The following CDC40 variants were observed in gnomAD, a reference collection of about 807,000 sequenced individuals.
The protein encoded by CDC40 is cell division cycle 40.
In CDC40, 27 loss-of-function variants were observed where a neutral mutation model predicts 80.6. The observed-to-expected ratio is 0.33, with a 90% CI of 0.25 to 0.46. The LOEUF is 0.46. Ranked by LOEUF, CDC40 falls within the 20% of genes least tolerant of loss-of-function variation. CDC40 has a pLI of 1.00. For missense variants in CDC40, 486 were observed against 694.1 expected, an observed-to-expected ratio of 0.70 and a Z score of 3.37; for synonymous variants, 221 against 232.6, an observed-to-expected ratio of 0.95 and a Z score of 0.45.
In CDC40 at chr6:110,219,494, GTATTTTGTTAAGACTCC is replaced by G. The variant is rs761214335; in HGVS notation, c.1206+18_1206+34del. On this transcript the variant is annotated intron_variant, in intron 11 of 14. Coordinates refer to ENST00000307731, the MANE Select transcript of CDC40 (RefSeq NM_015891.3). ...AGATTGTGCAAGTAAGTCTTTCACAGTATTTTGTTAAGACTCCTAAGCTTTATGTTGTATAAGGGGAT... is the reference window on the plus strand; with the variant it reads ...AGATTGTGCAAGTAAGTCTTTCACAGTAAGCTTTATGTTGTATAAGGGGAT... The G allele has an allele frequency of 1.6e-4, 230 of 1,424,278 alleles. 4 individuals are homozygous for G. The Middle Eastern group carries it at 0.012, about 73-fold the overall frequency. 88.2% of individuals were successfully genotyped at this position (1,424,278 alleles called of 1,614,324 possible). A position where few individuals can be genotyped will look rare whatever the true frequency, so the allele number is the denominator to read the frequency against.
At chr6:110,191,463 C>T (rs574994932) in intron 1 of CDC40, among the ~76,000 whole-genome samples, 6 of 152,118 alleles carry the variant, frequency 3.9e-5, no homozygotes, top group South Asian at 4.2e-4. Flanking sequence ...GTGCAAAATC[C>T]GCCTTGTGTA....
chr6:110,207,176 G>A (rs546010001), intron 3 of CDC40, among the ~76,000 whole-genome samples: 1 of 152,102 alleles, frequency 6.6e-6, no homozygotes, highest in African/African-American at 2.4e-5. Flanking sequence ...TTAGCTAGGG[G>A]TAATGACGCA....
At chr6:110,215,424 T>A (rs1777687949) in intron 9 of CDC40, 93 bp downstream of exon 9, 3 of 983,012 alleles carry the variant, frequency 3.1e-6, no homozygotes, top group African/African-American at 3.2e-5. Context: ...CGATAGGAAG[T>A]AAACTCTTCA....
chr6:110,198,470 C>T (rs2114655150), intron 2 of CDC40, among the ~76,000 whole-genome samples: 1 of 152,298 alleles, frequency 6.6e-6, no homozygotes, highest in Non-Finnish European at 1.5e-5. Flanking sequence ...AGCCACTGCA[C>T]CTGGCCCCTG....
intron 3 of CDC40, among the ~76,000 whole-genome samples, chr6:110,203,121 A>G (rs1188399281): frequency 6.6e-6 from 1 of 152,138 alleles, no homozygotes; most frequent in Non-Finnish European, 1.5e-5. Flanking sequence ...TTAAAGAGAC[A>G]GTTTATTAAG....
chr6:110,208,975 T>C, intron 4 of CDC40, 109 bp from the exon 5 acceptor site: 3 of 741,526 alleles, frequency 4.0e-6, no homozygotes, highest in Non-Finnish European at 6.4e-6. Flanking sequence ...AACAATCATC[T>C]TTCTTTAACC....
chr6:110,186,156 C>T (rs1409277656), intron 1 of CDC40, among the ~76,000 whole-genome samples: 1 of 152,172 alleles, frequency 6.6e-6, no homozygotes, highest in Non-Finnish European at 1.5e-5. Context: ...ATTCTTACAT[C>T]TCATATGCAA....
chr6:110,193,673 G>T (rs1777381723), intron 2 of CDC40, among the ~76,000 whole-genome samples: 1 of 152,130 alleles, frequency 6.6e-6, no homozygotes, highest in African/African-American at 2.4e-5. Flanking sequence ...CCAAAGTGCT[G>T]GGATTACAGG....
At position 110,209,073 on chromosome 6, in the gene CDC40, T is replaced by G. The variant is rs1777599888; in HGVS notation, c.491-11T>G. 2.1e-6 allele frequency: 3 copies of G among 1,457,716 alleles called. No homozygotes were observed. The highest frequency in any genetic ancestry group is 2.2e-5 in the Admixed American group (1 of 44,528). The allele number at this position is 1,457,716 out of a possible 1,614,324, so 90.3% of individuals were successfully genotyped here. The stretch of plus-strand genomic sequence containing the variant: ...TCAGTTTTTTTTTTAATTTTTTTTT[T>G]GTTAACGTAGGTTTAACTGTATTTG... On this transcript the variant is annotated splice_polypyrimidine_tract_variant and intron_variant, in intron 4 of 14. Coordinates refer to ENST00000307731, the MANE Select transcript of CDC40 (RefSeq NM_015891.3).
chr6:110,219,554 T>A, intron 11 of CDC40, 75 bp downstream of exon 11: 1 of 1,085,656 alleles, frequency 9.2e-7, no homozygotes, highest in Non-Finnish European at 1.4e-6. Context: ...GTTAATAAGC[T>A]AATATTACTC....
chr6:110,216,405 T>C (rs1777700431), intron 9 of CDC40, among the ~76,000 whole-genome samples: 1 of 152,240 alleles, frequency 6.6e-6, no homozygotes, highest in African/African-American at 2.4e-5. Context: ...AAATTAATAC[T>C]GCCTAAGATG....
intron 11 of CDC40, 34 bp downstream of exon 11, chr6:110,219,513 A>T: frequency 8.0e-7 from 1 of 1,254,808 alleles, no homozygotes; most frequent in South Asian, 1.2e-5. Context: ...TAAGACTCCT[A>T]AGCTTTATGT....
chr6:110,188,714 G>T (rs964231350), intron 1 of CDC40, among the ~76,000 whole-genome samples: 1 of 152,144 alleles, frequency 6.6e-6, no homozygotes, highest in Non-Finnish European at 1.5e-5. Flanking sequence ...AAGAAGCCAG[G>T]AAAGAGGACT....
At chr6:110,204,724 A>G (rs1584071723) in intron 3 of CDC40, among the ~76,000 whole-genome samples, 1 of 130,600 alleles carries the variant, frequency 7.7e-6, no homozygotes, top group African/African-American at 3.0e-5. Flanking sequence ...CAGTTGTGGG[A>G]TCTCTGCTCA....
At chr6:110,212,426 C>T (rs1189209099) in intron 7 of CDC40, among the ~76,000 whole-genome samples, 154 bp downstream of exon 7, 1 of 152,170 alleles carries the variant, frequency 6.6e-6, no homozygotes, top group Non-Finnish European at 1.5e-5. Context: ...GAGATGCCCA[C>T]ACATCCATCA....
intron 9 of CDC40, among the ~76,000 whole-genome samples, chr6:110,215,968 C>T (rs916524225): frequency 6.6e-6 from 1 of 152,148 alleles, no homozygotes; most frequent in African/African-American, 2.4e-5. Flanking sequence ...GAGTGACTCC[C>T]ATGAGGCTGG....
chr6:110,203,646 T>A (rs1301219360), intron 3 of CDC40, among the ~76,000 whole-genome samples: 1 of 152,250 alleles, frequency 6.6e-6, no homozygotes, highest in Admixed American at 6.5e-5. Flanking sequence ...AAGATTTATA[T>A]TCTACAATGC....
chr6:110,214,915 AT>A (rs1777679689), intron 8 of CDC40, among the ~76,000 whole-genome samples: 1 of 152,210 alleles, frequency 6.6e-6, no homozygotes, highest in Non-Finnish European at 1.5e-5. Context: ...TTTAAACGTC[AT>A]TTGTAGTGCT....
intron 2 of CDC40, among the ~76,000 whole-genome samples, chr6:110,200,888 A>G (rs908652690): frequency 6.6e-6 from 1 of 152,228 alleles, no homozygotes; most frequent in African/African-American, 2.4e-5. Context: ...TATTCGGTAT[A>G]AGAAAAGTAA....
Sources: allele counts gnomAD v4.1 joint callset (sites outside exome capture counted in the v4.1 genomes callset), GRCh38; gene constraint gnomAD v4.1.1; transcripts MANE v1.5; gene names NCBI Gene and HGNC (gene_info 2026-07-23, HGNC 2026-07-21).